SCLT1: variants seen among roughly 807,000 people sequenced by gnomAD.
SCLT1 encodes sodium channel-associated protein 1.
In SCLT1, 78 loss-of-function variants were observed where a neutral mutation model predicts 112.8. The observed-to-expected ratio is 0.69, with a 90% confidence interval of 0.58 to 0.83. SCLT1 has a LOEUF of 0.83. Among genes scored for constraint, SCLT1 ranks in the 40% least tolerant of loss-of-function variants. The pLI, the probability that SCLT1 is intolerant of heterozygous loss-of-function variation, is 0.00. For synonymous variants in SCLT1, 257 were observed against 254.7 expected (o/e 1.01, Z -0.09); for missense variants, 747 against 770.4 (o/e 0.97, Z 0.36).
chr4:128,985,543 C>T (rs1307131301), intron 9 of SCLT1, among the ~76,000 whole-genome samples: 3 of 152,154 alleles, frequency 2.0e-5, no homozygotes, highest in Non-Finnish European at 2.9e-5. Context: ...CTCATTGATA[C>T]TTAATCAGTT....
At chr4:129,084,362 A>G (rs1036340755) in intron 1 of SCLT1, among the ~76,000 whole-genome samples, 5 of 152,182 alleles carry the variant, frequency 3.3e-5, no homozygotes, top group South Asian at 2.1e-4. Flanking sequence ...AATATATAAA[A>G]ATTAATTATA....
In SCLT1 at chr4:128,981,155, A is replaced by AT. The variant is rs745362881; in HGVS notation, c.687-10688_687-10687insA. 1.2e-4 allele frequency among the ~76,000 whole-genome samples: 19 copies of AT among 152,310 alleles called. No homozygotes were observed. In the South Asian group the frequency reaches 2.9e-3, roughly 23 times the overall value. On this transcript the variant is annotated intron_variant, in intron 9 of 20. Transcript: ENST00000281142. ...AGAGATGGATTTGTAAACACTTAAT[A>AT]AAGTGTTAAAAATGCTGTGACATGG...
intron 2 of SCLT1, among the ~76,000 whole-genome samples, chr4:129,054,991 T>C (rs1036988008): frequency 6.6e-6 from 1 of 152,206 alleles, no homozygotes; most frequent in Non-Finnish European, 1.5e-5. Flanking sequence ...TTCCGTTTTT[T>C]AGCTTTTCTT....
chr4:128,876,853 C>T (rs1397727632), intron 3 of SCLT1, among the ~76,000 whole-genome samples: 3 of 152,220 alleles, frequency 2.0e-5, no homozygotes, highest in Admixed American at 2.0e-4. Context: ...TCCTCCTAGA[C>T]TGAAACCTGG....
At chr4:129,069,442 T>C (rs1372459252) in intron 2 of SCLT1, among the ~76,000 whole-genome samples, 1 of 152,208 alleles carries the variant, frequency 6.6e-6, no homozygotes, top group Non-Finnish European at 1.5e-5. Context: ...ATGATTTCTT[T>C]CAGCAGTGTT....
intron 18 of SCLT1, among the ~76,000 whole-genome samples, chr4:128,922,448 C>A (rs889002497): frequency 1.3e-5 from 2 of 152,036 alleles, no homozygotes; most frequent in Non-Finnish European, 2.9e-5. Context: ...GGTATATATA[C>A]CCCAAGGAAT....
At chr4:128,980,615 C>A (rs1334194404) in intron 9 of SCLT1, among the ~76,000 whole-genome samples, 1 of 152,044 alleles carries the variant, frequency 6.6e-6, no homozygotes, top group Non-Finnish European at 1.5e-5. Flanking sequence ...CGAGAGAGCA[C>A]TAAACATAAA....
At chr4:128,923,693 G>A (rs767712883) in intron 18 of SCLT1, among the ~76,000 whole-genome samples, 33 of 151,034 alleles carry the variant, frequency 2.2e-4, no homozygotes, top group Non-Finnish European at 4.3e-4. Flanking sequence ...GTGTATCAGT[G>A]GTTTGTTCCT....
chr4:129,072,616 C>T lies in SCLT1; in HGVS notation c.102+9690G>A, dbSNP rs1579932875. On this transcript the variant is annotated intron_variant, in intron 2 of 20. Coordinates refer to ENST00000281142, the MANE Select transcript of SCLT1 (RefSeq NM_144643.4). Reference sequence around the variant, plus strand: ...TGCTGAGGTTTTCCAGAGCATTTTGCATTTCTAAAAGTGTGTCCAAAGTCT... The same window carrying T: ...TGCTGAGGTTTTCCAGAGCATTTTGTATTTCTAAAAGTGTGTCCAAAGTCT... 2.6e-5 allele frequency among the ~76,000 whole-genome samples: 4 copies of T among 151,954 alleles called. No individual in the cohort carries two copies. The South Asian group carries it at 6.2e-4, about 24-fold the overall frequency.
At position 129,053,316 on chromosome 4, in the gene SCLT1, A is replaced by G. The variant is rs548915341; in HGVS notation, c.103-9265T>C. On this transcript the variant is annotated intron_variant, in intron 2 of 20. Coordinates refer to ENST00000281142, the MANE Select transcript of SCLT1 (RefSeq NM_144643.4). ...TTTCTGTCTTATCGATCTGTCTAAT[A>G]TTGACAGTGGGGTGTTAAAGTCTCC... 2.6e-5 allele frequency among the ~76,000 whole-genome samples: 4 copies of G among 152,152 alleles called. No individual in the cohort carries two copies. The South Asian group carries it at 8.3e-4, about 32-fold the overall frequency.
intron 18 of SCLT1, among the ~76,000 whole-genome samples, chr4:128,909,188 G>C (rs906318915): frequency 1.3e-5 from 2 of 152,002 alleles, no homozygotes; most frequent in Non-Finnish European, 2.9e-5. Context: ...TTTCTTCACA[G>C]GATCTACCTG....
chr4:128,917,711 T>A (rs1196665432), intron 18 of SCLT1, among the ~76,000 whole-genome samples: 1 of 152,128 alleles, frequency 6.6e-6, no homozygotes, highest in East Asian at 1.9e-4. Context: ...ATAGTGAAAA[T>A]GTTCCAAGAC....
chr4:129,030,990 C>T (rs1310760662), intron 5 of SCLT1, among the ~76,000 whole-genome samples: 7 of 152,014 alleles, frequency 4.6e-5, no homozygotes, highest in Non-Finnish European at 7.4e-5. Flanking sequence ...CAGCATCGTC[C>T]TGATACCAAA....
chr4:128,884,792 C>A (rs745772566), intron 20 of SCLT1, among the ~76,000 whole-genome samples: 21 of 152,080 alleles, frequency 1.4e-4, no homozygotes, highest in Non-Finnish European at 2.5e-4. Context: ...TCTTCAGTAG[C>A]CACTACACCT....
intron 5 of SCLT1, among the ~76,000 whole-genome samples, chr4:129,011,972 C>CA (rs1408571111): frequency 6.7e-6 from 1 of 150,246 alleles, no homozygotes; most frequent in Non-Finnish European, 1.5e-5. Flanking sequence ...TTAATTTTTC[C>CA]AAAAAACCAG....
chr4:129,011,628 G>C (rs1337012931), intron 5 of SCLT1, among the ~76,000 whole-genome samples: 1 of 151,376 alleles, frequency 6.6e-6, no homozygotes, highest in African/African-American at 2.4e-5. Context: ...CCAGCTCTTT[G>C]TATATTTGGT....
chr4:128,992,348 A>T lies in SCLT1; in HGVS notation c.616-111T>A, dbSNP rs138432972. ...AAAAGTTTAGTGAGATTTATGATAAAGATTAGATTTTTTGAGGGTAAAACA... is the reference window on the plus strand; with the variant it reads ...AAAAGTTTAGTGAGATTTATGATAATGATTAGATTTTTTGAGGGTAAAACA... On this transcript the variant is annotated intron_variant, in intron 8 of 20. Coordinates refer to ENST00000281142, the MANE Select transcript of SCLT1 (RefSeq NM_144643.4). The T allele has an allele frequency of 7.7e-6, 5 of 648,940 alleles. No individual in the cohort carries two copies. In the East Asian group the frequency reaches 1.5e-4, roughly 20 times the overall value. 40.2% of individuals were successfully genotyped at this position (648,940 alleles called of 1,614,324 possible).
downstream of SCLT1, among the ~76,000 whole-genome samples, chr4:128,882,114 T>G (rs1732655496): frequency 6.6e-6 from 1 of 152,228 alleles, no homozygotes; most frequent in Non-Finnish European, 1.5e-5. Flanking sequence ...ATATTCCATT[T>G]GCTAGAGTGT....
At chr4:129,069,619 T>C (rs1750806132) in intron 2 of SCLT1, among the ~76,000 whole-genome samples, 1 of 152,224 alleles carries the variant, frequency 6.6e-6, no homozygotes, top group Admixed American at 6.5e-5. Context: ...CTGGAAACTT[T>C]GCTGAATTCT....
Sources: allele counts gnomAD v4.1 joint callset (sites outside exome capture counted in the v4.1 genomes callset), GRCh38; gene constraint gnomAD v4.1.1; transcripts MANE v1.5; gene names NCBI Gene and HGNC (gene_info 2026-07-23, HGNC 2026-07-21).